Variants in ZC3H18 observed in about 807,000 individuals in gnomAD.
ZC3H18 encodes zinc finger CCCH-type containing 18.
In ZC3H18, 8 loss-of-function variants were observed where a neutral mutation model predicts 106.1. That is an observed-to-expected ratio of 0.08 (90% CI 0.04 to 0.14). The LOEUF is 0.14. Among genes scored for constraint, ZC3H18 ranks in the 10% least tolerant of loss-of-function variants. ZC3H18 has a pLI of 1.00. For missense variants in ZC3H18, 1,318 were observed against 1,278.4 expected (o/e 1.03, Z -0.47); for synonymous variants, 635 against 522.1 (o/e 1.22, Z -2.95).
At chr16:88,612,689 A>G (rs976394456) in intron 8 of ZC3H18, among the ~76,000 whole-genome samples, 1 of 151,754 alleles carries the variant, frequency 6.6e-6, no homozygotes, top group Non-Finnish European at 1.5e-5. Flanking sequence ...TAAAAAAAAA[A>G]AAAAATTAAA....
At chr16:88,578,696 GCTC>G (rs1914915796) in intron 2 of ZC3H18, among the ~76,000 whole-genome samples, 1 of 151,902 alleles carries the variant, frequency 6.6e-6, no homozygotes, top group South Asian at 2.1e-4. Flanking sequence ...TGAATGCCAT[GCTC>G]CTTTTTTTTG....
intron 3 of ZC3H18, among the ~76,000 whole-genome samples, chr16:88,593,260 G>A (rs1369507442): frequency 6.6e-6 from 1 of 152,124 alleles, no homozygotes; most frequent in African/African-American, 2.4e-5. Context: ...CAGTGATCCT[G>A]GGTCACTGAG....
At chr16:88,598,107 C>T in intron 3 of ZC3H18, 71 bp from the exon 4 acceptor site, 1 of 341,596 alleles carries the variant, frequency 2.9e-6, no homozygotes, top group Non-Finnish European at 5.6e-6. Flanking sequence ...CTCCCACCCC[C>T]CACCCCAGCA....
At chr16:88,617,661 C>T (rs1296063968) in intron 8 of ZC3H18, among the ~76,000 whole-genome samples, 1 of 152,256 alleles carries the variant, frequency 6.6e-6, no homozygotes, top group Non-Finnish European at 1.5e-5. Context: ...AGGGCTTGAG[C>T]TTGGCAGGCT....
At chr16:88,604,580 G>T (rs1904918439) in intron 6 of ZC3H18, among the ~76,000 whole-genome samples, 1 of 151,600 alleles carries the variant, frequency 6.6e-6, no homozygotes, top group Non-Finnish European at 1.5e-5. Flanking sequence ...CAGCTACTCG[G>T]GAGGCTGAGG....
rs1597337536 is a variant in ZC3H18 at position 88,598,810 on chromosome 16, A to G, written c.930+98A>G. ...TTCCTCGGTCCAGAGAGAGCCCCAG[A>G]AATCTCTGAAGTTAGGCGTCTGTTT... On this transcript the variant is annotated intron_variant, in intron 5 of 17. Coordinates refer to ENST00000301011, the MANE Select transcript of ZC3H18 (RefSeq NM_144604.4). 4.6e-6 allele frequency: 5 copies of G among 1,098,604 alleles called. No individual in the cohort carries two copies. In the East Asian group the frequency reaches 1.1e-4, roughly 23 times the overall value. 68.1% of individuals were successfully genotyped at this position (1,098,604 alleles called of 1,614,324 possible). A position where few individuals can be genotyped will look rare whatever the true frequency, so the allele number is the denominator to read the frequency against.
chr16:88,617,395 G>C (rs1905685244), intron 8 of ZC3H18, among the ~76,000 whole-genome samples: 1 of 152,222 alleles, frequency 6.6e-6, no homozygotes, highest in African/African-American at 2.4e-5. Context: ...GATTAGAGCA[G>C]AACCTTTCAA....
In ZC3H18 at chr16:88,628,037, C is replaced by T. The variant is rs919892962; in HGVS notation, c.2387C>T (p.Thr796Ile). The part of the protein sequence containing the change: ...AGGKSSQQPS[T>I]PQQAPPGQPQ... ...GGGAAGTCCTCCCAGCAGCCCTCGACACCCCAGCAGGCACCCCCCGGGCAG... is the reference window on the plus strand; with the variant it reads ...GGGAAGTCCTCCCAGCAGCCCTCGATACCCCAGCAGGCACCCCCCGGGCAG... Residue 796 changes from threonine (T) to isoleucine (I), a missense_variant, in exon 15 of 18, where the codon ACA becomes ATA. Coordinates refer to ENST00000301011, the MANE Select transcript of ZC3H18 (RefSeq NM_144604.4). 3.7e-6 allele frequency: 6 copies of T among 1,614,178 alleles called. No individual in the cohort carries two copies. Among genetic ancestry groups the T allele is most frequent in the Middle Eastern group, 3.3e-4 (2 of 6,062 alleles).
intron 3 of ZC3H18, among the ~76,000 whole-genome samples, chr16:88,589,712 C>G (rs766441315): frequency 6.6e-6 from 1 of 151,678 alleles, no homozygotes; most frequent in Non-Finnish European, 1.5e-5. Context: ...TGTGGACGAG[C>G]CTTAAAGACG....
At position 88,631,734 on chromosome 16, in the gene ZC3H18, C is replaced by T. The variant is rs909381628; in HGVS notation, c.*435C>T. ...ACTGGTGGCACATCCTTCTCCTCCC[C>T]CGCCCCTGATCACCCGCCCCCGGAT... is the stretch of plus-strand genomic sequence containing the variant. On this transcript the variant is annotated 3_prime_UTR_variant, in exon 18 of 18. Transcript: ENST00000301011. 2.5e-6 allele frequency: 1 copy of T among 408,002 alleles called. No individual in the cohort carries two copies. The highest frequency in any genetic ancestry group is 2.1e-5 in the African/African-American group (1 of 48,280). 25.3% of individuals were successfully genotyped at this position (408,002 alleles called of 1,614,324 possible).
chr16:88,622,850 CAGG>C, intron 9 of ZC3H18: 1 of 316,350 alleles, frequency 3.2e-6, no homozygotes, highest in South Asian at 3.3e-5. Context: ...TCGGCAGGAA[CAGG>C]AGGTGTGGGT....
chr16:88,588,859 C>T (rs1432269515), intron 3 of ZC3H18, among the ~76,000 whole-genome samples: 2 of 151,890 alleles, frequency 1.3e-5, no homozygotes, highest in East Asian at 3.9e-4. Context: ...TGTACTCCAG[C>T]CTGGGCGACA....
At chr16:88,592,979 T>G (rs949924719) in intron 3 of ZC3H18, among the ~76,000 whole-genome samples, 9 of 152,358 alleles carry the variant, frequency 5.9e-5, no homozygotes, top group African/African-American at 2.2e-4. Context: ...TACAGTTCCA[T>G]GATTATATAA....
intron 1 of ZC3H18, among the ~76,000 whole-genome samples, chr16:88,570,975 C>T (rs1382276530): frequency 2.0e-5 from 3 of 152,206 alleles, no homozygotes; most frequent in East Asian, 3.9e-4. Flanking sequence ...CTGGGCTCTT[C>T]GGAGAACTTT....
At chr16:88,590,870 G>T (rs1048850109) in intron 3 of ZC3H18, among the ~76,000 whole-genome samples, 5 of 151,472 alleles carry the variant, frequency 3.3e-5, no homozygotes, top group African/African-American at 1.2e-4. Context: ...CCTACTTTGG[G>T]CTTCTGATTT....
At position 88,599,892 on chromosome 16, in the gene ZC3H18, A is replaced by C; in HGVS notation, c.1032A>C (p.Glu344Asp). ...IGEDEREFDK[E>D]NEVFRDWNSR... Reference sequence around the variant, plus strand: ...AAGACGAACGGGAATTTGACAAAGAAAATGAAGTTTTTCGAGATTGGAATT... The same window carrying C: ...AAGACGAACGGGAATTTGACAAAGACAATGAAGTTTTTCGAGATTGGAATT... Residue 344 changes from glutamate (E) to aspartate (D), a missense_variant, in exon 6 of 18, where the codon GAA becomes GAC. Transcript: ENST00000301011. 6.2e-7 allele frequency: 1 copy of C among 1,614,234 alleles called. No individual in the cohort carries two copies. The highest frequency in any genetic ancestry group is 2.2e-5 in the East Asian group (1 of 44,886).
In ZC3H18 at chr16:88,631,398, T is replaced by A; in HGVS notation, c.*99T>A. 6.9e-7 allele frequency: 1 copy of A among 1,458,854 alleles called. No individual in the cohort carries two copies. Among genetic ancestry groups the A allele is most frequent in the Non-Finnish European group, 9.2e-7 (1 of 1,087,582 alleles). 90.4% of individuals were successfully genotyped at this position (1,458,854 alleles called of 1,614,324 possible). ...GTCTTATTTTGGCTGTGATTCTTTT[T>A]AAAAAGTAAAAAAGAAAAAAAAGTT... On this transcript the variant is annotated 3_prime_UTR_variant, in exon 18 of 18. Coordinates refer to ENST00000301011, the MANE Select transcript of ZC3H18 (RefSeq NM_144604.4).
chr16:88,621,224 TTTTTA>T (rs1475789901), intron 8 of ZC3H18, among the ~76,000 whole-genome samples: 1 of 143,258 alleles, frequency 7.0e-6, no homozygotes, highest in African/African-American at 2.6e-5. Flanking sequence ...TTTGTTTTTG[TTTTTA>T]TTTTTTTTTT....
At chr16:88,578,048 G>A (rs996577629) in intron 2 of ZC3H18, among the ~76,000 whole-genome samples, 1 of 152,198 alleles carries the variant, frequency 6.6e-6, no homozygotes, top group Non-Finnish European at 1.5e-5. Flanking sequence ...AAGGGTTAAT[G>A]TCTGTCCTTG....
Sources: allele counts gnomAD v4.1 joint callset (sites outside exome capture counted in the v4.1 genomes callset), GRCh38; gene constraint gnomAD v4.1.1; transcripts MANE v1.5; gene names NCBI Gene and HGNC (gene_info 2026-07-23, HGNC 2026-07-21).